The following CACNB2 variants were observed in gnomAD, a reference collection of about 807,000 sequenced individuals.
The protein encoded by CACNB2 is calcium voltage-gated channel auxiliary subunit beta 2.
A neutral mutation model predicts 73.3 loss-of-function variants in CACNB2; 42 were observed. The ratio of observed to expected loss-of-function variants is 0.57; its 90% CI spans 0.45 to 0.74. The LOEUF (loss-of-function observed/expected upper bound fraction) is 0.74, where lower values mean the gene tolerates loss of function less well. Among genes scored for constraint, CACNB2 ranks in the 30% least tolerant of loss-of-function variants. The pLI is 0.00. For synonymous variants in CACNB2, 348 were observed against 310.3 expected, an observed-to-expected ratio of 1.12 and a Z score of -1.28; for missense variants, 940 against 853.0, an observed-to-expected ratio of 1.10 and a Z score of -1.27.
At chr10:18,184,516 A>G (rs1211261275) in intron 2 of CACNB2, among the ~76,000 whole-genome samples, 1 of 152,134 alleles carries the variant, frequency 6.6e-6, no homozygotes, top group Non-Finnish European at 1.5e-5. Context: ...ACTAAAGTCC[A>G]TACTTTATTC....
chr10:18,201,466 G>C (rs554478004), intron 2 of CACNB2, among the ~76,000 whole-genome samples: 1 of 152,080 alleles, frequency 6.6e-6, no homozygotes, highest in South Asian at 2.1e-4. Flanking sequence ...GTAGAGATGG[G>C]GTTTCACCAT....
chr10:18,394,080 T>C (rs921375148), intron 2 of CACNB2, among the ~76,000 whole-genome samples: 2 of 152,098 alleles, frequency 1.3e-5, no homozygotes, highest in African/African-American at 2.4e-5. Flanking sequence ...TAGCTGAGAT[T>C]ACAAGCGCCC....
rs149395079 is a variant in CACNB2, at chr10:18,443,915, A to AT, written c.333+41873dup. On this transcript the variant is annotated intron_variant, in intron 3 of 13. Transcript: ENST00000324631. ...TTTTTAATAGAGACGAGGTTTCGCC[A>AT]TGTTGGCCAGACTAGTCTTGAATGC... Among the ~76,000 whole-genome samples the AT allele has an allele frequency of 8.1e-3, 1,233 of 152,180 alleles. 14 individuals are homozygous for AT. Among genetic ancestry groups the AT allele is most frequent in the African/African-American group, 0.028 (1,179 of 41,524 alleles).
At chr10:18,148,147 C>A (rs2031178070) in intron 1 of CACNB2, among the ~76,000 whole-genome samples, 1 of 151,502 alleles carries the variant, frequency 6.6e-6, no homozygotes, top group African/African-American at 2.4e-5. Context: ...AGTAAAATAA[C>A]AGAATAGAGA....
At chr10:18,168,021 C>G (rs1314401730) in intron 2 of CACNB2, among the ~76,000 whole-genome samples, 6 of 152,162 alleles carry the variant, frequency 3.9e-5, no homozygotes, top group African/African-American at 1.2e-4. Flanking sequence ...ATAGAAACCT[C>G]TCTATCTTAA....
At chr10:18,382,895 G>A (rs183911583) in intron 2 of CACNB2, among the ~76,000 whole-genome samples, 3 of 152,080 alleles carry the variant, frequency 2.0e-5, no homozygotes, top group African/African-American at 7.2e-5. Flanking sequence ...ATTCCTTTGG[G>A]TATATACCCA....
In CACNB2 at chr10:18,366,635, G is replaced by A. The variant is rs187910919; in HGVS notation, c.214-35289G>A. ...GAGGTGGGTGAATCACTTAAGGTCA[G>A]GAGTTCAAGACCAGCCTGGCCAACA... is the stretch of plus-strand genomic sequence containing the variant. On this transcript the variant is annotated intron_variant, in intron 2 of 13. Transcript: ENST00000324631. Among the ~76,000 whole-genome samples, 517 of 152,144 alleles carry A rather than the reference G, an allele frequency of 3.4e-3. 8 individuals are homozygous for A. Among genetic ancestry groups the A allele is most frequent in the Non-Finnish European group, 4.7e-3 (320 of 67,998 alleles).
chr10:18,298,316 G>C (rs2039362145), intron 2 of CACNB2, among the ~76,000 whole-genome samples: 1 of 151,596 alleles, frequency 6.6e-6, no homozygotes, highest in Non-Finnish European at 1.5e-5. Flanking sequence ...GTTGCAGTGA[G>C]CCGAGATTAC....
intron 3 of CACNB2, among the ~76,000 whole-genome samples, chr10:18,459,385 G>T (rs561141402): frequency 8.4e-4 from 128 of 152,276 alleles, no homozygotes; most frequent in African/African-American, 2.8e-3. Context: ...GGGACTTGTG[G>T]TTTTCTGGAC....
At chr10:18,330,031 A>T (rs2040739906) in intron 2 of CACNB2, among the ~76,000 whole-genome samples, 1 of 151,958 alleles carries the variant, frequency 6.6e-6, no homozygotes, top group Admixed American at 6.6e-5. Context: ...AGTAGAGACT[A>T]GGTTTTGCCA....
chr10:18,522,877 C>CA lies in CACNB2; in HGVS notation c.944+3945dup, dbSNP rs10528720. ...TGGGAAACAGAGTGAGACTCTGTCTCAAAAAAAAAAAAAAAAAAAAAAAAA... is the reference window on the plus strand; with the variant it reads ...TGGGAAACAGAGTGAGACTCTGTCTCAAAAAAAAAAAAAAAAAAAAAAAAAA... On this transcript the variant is annotated intron_variant, in intron 9 of 13. Coordinates refer to ENST00000324631, the MANE Select transcript of CACNB2 (RefSeq NM_201596.3). Among the ~76,000 whole-genome samples, 53 of 77,810 alleles carry CA rather than the reference C, an allele frequency of 6.8e-4. 4 individuals are homozygous for CA. The highest frequency in any genetic ancestry group is 8.4e-4 in the South Asian group (2 of 2,370). 51.0% of individuals were successfully genotyped at this position (77,810 alleles called of 152,430 possible). A position where few individuals can be genotyped will look rare whatever the true frequency, so the allele number is the denominator to read the frequency against.
At chr10:18,207,939 A>G (rs149974797) in intron 2 of CACNB2, among the ~76,000 whole-genome samples, 1 of 152,234 alleles carries the variant, frequency 6.6e-6, no homozygotes, top group Non-Finnish European at 1.5e-5. Context: ...AACAGTTTTG[A>G]TGTAGAATTC....
At chr10:18,345,817 G>A (rs1439447048) in intron 2 of CACNB2, among the ~76,000 whole-genome samples, 1 of 152,156 alleles carries the variant, frequency 6.6e-6, no homozygotes, top group Non-Finnish European at 1.5e-5. Flanking sequence ...CTCAGTTTCG[G>A]AATGTGGAGC....
intron 2 of CACNB2, among the ~76,000 whole-genome samples, chr10:18,191,345 C>G (rs568203211): frequency 1.3e-5 from 2 of 152,208 alleles, no homozygotes; most frequent in African/African-American, 4.8e-5. Flanking sequence ...CAGCTGCCCC[C>G]CGTGTATTGC....
chr10:18,290,568 C>G (rs976333902), intron 2 of CACNB2, among the ~76,000 whole-genome samples: 2 of 152,172 alleles, frequency 1.3e-5, no homozygotes, highest in African/African-American at 4.8e-5. Context: ...ACCTTTCAAT[C>G]TAAAAGAACA....
At position 18,540,442 on chromosome 10, in the gene CACNB2, G is replaced by C. The variant is rs1239137969; in HGVS notation, c.*718G>C. The C allele has an allele frequency of 6.6e-6, 1 of 152,464 alleles. No individual in the cohort carries two copies. The highest frequency in any genetic ancestry group is 1.5e-5 in the Non-Finnish European group (1 of 68,024). 9.4% of individuals were successfully genotyped at this position (152,464 alleles called of 1,614,324 possible). A position where few individuals can be genotyped will look rare whatever the true frequency, so the allele number is the denominator to read the frequency against. On this transcript the variant is annotated 3_prime_UTR_variant, in exon 14 of 14. Transcript: ENST00000324631. The stretch of plus-strand genomic sequence containing the variant: ...AGAAATGCCCACATTCAGGAAATTT[G>C]TAATAACATTGTCTAGACACCTATC...
intron 2 of CACNB2, among the ~76,000 whole-genome samples, chr10:18,325,727 TC>T: frequency 8.7e-6 from 1 of 114,908 alleles, no homozygotes; most frequent in Non-Finnish European, 1.8e-5. Context: ...TCTCTCTCTT[TC>T]CCTTTCCCCT....
intron 3 of CACNB2, among the ~76,000 whole-genome samples, chr10:18,413,617 G>A (rs2044761637): frequency 6.6e-6 from 1 of 152,154 alleles, no homozygotes; most frequent in Admixed American, 6.5e-5. Context: ...ATCTTTTCCT[G>A]GGAATTATCA....
intron 2 of CACNB2, among the ~76,000 whole-genome samples, chr10:18,230,377 G>T (rs540110470): frequency 2.0e-5 from 3 of 151,964 alleles, no homozygotes; most frequent in Admixed American, 6.6e-5. Flanking sequence ...CTGTTCCCTC[G>T]ATCTTTTTTT....
Sources: gnomAD v4.1 joint callset for allele counts (sites outside exome capture counted in the v4.1 genomes callset) on GRCh38, gnomAD v4.1.1 for gene constraint, MANE v1.5 for transcripts, NCBI Gene and HGNC (gene_info 2026-07-23, HGNC 2026-07-21) for gene names.